ZNF680: variants seen among roughly 807,000 people sequenced by gnomAD.
ZNF680 encodes the protein hypothetical protein FLJ90430.
Under a neutral mutation model 12.1 loss-of-function variants are expected in ZNF680, and 6 were observed. The observed-to-expected ratio is 0.49, with a 90% confidence interval of 0.27 to 0.98. The LOEUF is 0.98. Among genes scored for constraint, ZNF680 ranks in the 50% least tolerant of loss-of-function variants. The pLI is 0.12. For missense variants in ZNF680, 561 were observed against 616.3 expected (o/e 0.91, Z 0.95); for synonymous variants, 170 against 199.3 (o/e 0.85, Z 1.24).
the ZNF680 span, among the ~76,000 whole-genome samples, chr7:64,507,236 AG>A: frequency 2.6e-5 from 4 of 152,184 alleles, no homozygotes; most frequent in Admixed American, 2.6e-4. Context: ...AATTTAATAA[AG>A]TTTAACTCAA....
At chr7:64,511,024 C>T in the ZNF680 span, among the ~76,000 whole-genome samples, 15 of 151,520 alleles carry the variant, frequency 9.9e-5, no homozygotes, top group Non-Finnish European at 2.1e-4. Context: ...GTAATCCCAG[C>T]ACTTTGGGAG....
chr7:64,533,798 T>C (rs1211827417), intron 3 of ZNF680, among the ~76,000 whole-genome samples: 2 of 152,084 alleles, frequency 1.3e-5, no homozygotes, highest in Non-Finnish European at 2.9e-5. Flanking sequence ...GAACAGCATG[T>C]TACTATTATA....
chr7:64,522,210 A>C lies in ZNF680; in HGVS notation c.544T>G (p.Phe182Val), dbSNP rs1024166128. ...HKKRNTGKKV[F>V]KCKECGKSFC... ...GATTTGCCACATTCTTTACATTTGA[A>C]AACCTTCTTTCCAGTATTTCTTTTC... Residue 182 changes from phenylalanine to valine, a missense_variant, in exon 4 of 4, where the codon TTC (phenylalanine) becomes GTC (valine). Transcript: ENST00000309683. The C allele has an allele frequency of 6.2e-7, 1 of 1,612,610 alleles. No homozygotes were observed. The highest frequency in any genetic ancestry group is 1.7e-5 in the Admixed American group (1 of 59,842).
chr7:64,517,826 A>G (rs1433174054), downstream of ZNF680, among the ~76,000 whole-genome samples: 1 of 152,022 alleles, frequency 6.6e-6, no homozygotes, highest in African/African-American at 2.4e-5. Context: ...AATAAACAGA[A>G]TTATGAACAA....
chr7:64,539,358 AAAAAAAAAAAAAAAAAAG>A (rs1786364659), intron 3 of ZNF680, among the ~76,000 whole-genome samples: 1 of 120,134 alleles, frequency 8.3e-6, no homozygotes, highest in Admixed American at 8.5e-5. Context: ...TCTCAAAAAA[AAAAAAAAAAAAAAAAAAG>A]AAAAGAAAAT....
At chr7:64,506,866 T>C in the ZNF680 span, among the ~76,000 whole-genome samples, 1 of 152,204 alleles carries the variant, frequency 6.6e-6, no homozygotes, top group Non-Finnish European at 1.5e-5. Flanking sequence ...ATGAGGGTAA[T>C]AATGATACCT....
the ZNF680 span, among the ~76,000 whole-genome samples, chr7:64,503,618 C>T: frequency 2.0e-5 from 3 of 152,044 alleles, no homozygotes; most frequent in Non-Finnish European, 4.4e-5. Flanking sequence ...TGACCTCAGG[C>T]GATCCGCCCA....
At chr7:64,529,237 T>C (rs73698679) in intron 3 of ZNF680, among the ~76,000 whole-genome samples, 20 of 152,270 alleles carry the variant, frequency 1.3e-4, no homozygotes, top group African/African-American at 4.8e-4. Flanking sequence ...ACTCTGGTAA[T>C]ATGACAAAAC....
chr7:64,509,480 T>C, the ZNF680 span, among the ~76,000 whole-genome samples: 59 of 152,378 alleles, frequency 3.9e-4, no homozygotes, highest in African/African-American at 1.2e-3. Flanking sequence ...TTCAATTACA[T>C]TGGCATTCAA....
the ZNF680 span, among the ~76,000 whole-genome samples, chr7:64,502,850 T>G: frequency 3.9e-5 from 6 of 152,150 alleles, no homozygotes; most frequent in African/African-American, 7.2e-5. Flanking sequence ...AAATTTCACA[T>G]GCTTAGAATA....
intron 1 of ZNF680, among the ~76,000 whole-genome samples, chr7:64,545,632 A>G (rs993065462): frequency 1.3e-5 from 2 of 152,346 alleles, no homozygotes; most frequent in African/African-American, 4.8e-5. Flanking sequence ...CATCAATTTT[A>G]TGCAAAGTTC....
At chr7:64,526,750 T>C (rs12672476) in intron 3 of ZNF680, among the ~76,000 whole-genome samples, 3,911 of 152,270 alleles carry the variant, frequency 0.026, 105 homozygotes, top group African/African-American at 0.056. Flanking sequence ...TAAAAAATAA[T>C]AGTTTTTAAC....
the ZNF680 span, among the ~76,000 whole-genome samples, chr7:64,500,223 A>G: frequency 1.3e-5 from 2 of 152,180 alleles, no homozygotes; most frequent in African/African-American, 4.8e-5. Flanking sequence ...GAACACAGCT[A>G]ATGACCCAAA....
At chr7:64,542,144 C>A (rs756453648) in intron 3 of ZNF680, among the ~76,000 whole-genome samples, 3 of 152,046 alleles carry the variant, frequency 2.0e-5, no homozygotes, top group Admixed American at 2.0e-4. Flanking sequence ...AAAGGTGAGC[C>A]CTAGTGCAGA....
chr7:64,548,689 T>C (rs1786905883), intron 1 of ZNF680, among the ~76,000 whole-genome samples: 1 of 152,142 alleles, frequency 6.6e-6, no homozygotes, highest in Non-Finnish European at 1.5e-5. Context: ...TAACCACTCT[T>C]GTCAGCCTGA....
the ZNF680 span, among the ~76,000 whole-genome samples, chr7:64,499,532 C>A: frequency 6.6e-6 from 1 of 152,166 alleles, no homozygotes; most frequent in Non-Finnish European, 1.5e-5. Context: ...CCGAAGCGGG[C>A]AGATCACGAG....
chr7:64,543,771 G>A lies in ZNF680; in HGVS notation c.189C>T (p.Thr63=). ...GIAVSKPHLI[T]CLEQGKEPWN... ...AGGGCTCTTTTCCTTGCTCCAAACAGGTTATCAGGTGAGGCTTAGAGACAG... is the reference window on the plus strand; with the variant it reads ...AGGGCTCTTTTCCTTGCTCCAAACAAGTTATCAGGTGAGGCTTAGAGACAG... Residue 63 remains threonine, a synonymous_variant, in exon 3 of 4, where the codon ACC becomes ACT. Coordinates refer to ENST00000309683, the MANE Select transcript of ZNF680 (RefSeq NM_178558.5). The A allele has an allele frequency of 6.2e-7, 1 of 1,613,448 alleles. No individual in the cohort carries two copies.
chr7:64,524,663 G>A (rs1041056684), intron 3 of ZNF680: 2 of 152,022 alleles, frequency 1.3e-5, no homozygotes, highest in Admixed American at 6.6e-5. Flanking sequence ...GGACTTGAAG[G>A]GAGTATAAAA....
chr7:64,535,054 T>C (rs1018437373), intron 3 of ZNF680, among the ~76,000 whole-genome samples: 20 of 151,984 alleles, frequency 1.3e-4, no homozygotes, highest in Admixed American at 9.2e-4. Flanking sequence ...AAATAGGGTG[T>C]AGTGAATACT....
Sources: gnomAD v4.1 joint callset for allele counts (sites outside exome capture counted in the v4.1 genomes callset) on GRCh38, gnomAD v4.1.1 for gene constraint, MANE v1.5 for transcripts, NCBI Gene and HGNC (gene_info 2026-07-23, HGNC 2026-07-21) for gene names.